GRXCR1: variants seen among roughly 807,000 people sequenced by gnomAD.
GRXCR1 encodes glutaredoxin and cysteine rich domain containing 1.
GRXCR1 carries 27 observed loss-of-function variants against 27.3 expected under a neutral mutation model. The ratio of observed to expected loss-of-function variants is 0.99; its 90% CI spans 0.73 to 1.37. GRXCR1 has a LOEUF of 1.37. Among genes scored for constraint, GRXCR1 ranks in the 40% most tolerant of loss-of-function variants. The pLI is 0.00. For missense variants in GRXCR1, 379 were observed against 354.4 expected, an observed-to-expected ratio of 1.07 and a Z score of -0.56; for synonymous variants, 122 against 131.1, an observed-to-expected ratio of 0.93 and a Z score of 0.47.
chr4:42,899,100 T>G (rs776951979), intron 1 of GRXCR1, among the ~76,000 whole-genome samples: 17 of 152,096 alleles, frequency 1.1e-4, no homozygotes, highest in South Asian at 2.1e-4. Flanking sequence ...ACATACTGAG[T>G]AGGACCTCAA....
intron 1 of GRXCR1, among the ~76,000 whole-genome samples, chr4:42,937,959 T>G (rs927609173): frequency 6.6e-6 from 1 of 151,992 alleles, no homozygotes; most frequent in South Asian, 2.1e-4. Flanking sequence ...TTGTAAAATG[T>G]ACAACAAATT....
At chr4:42,919,336 C>A (rs1257787445) in intron 1 of GRXCR1, among the ~76,000 whole-genome samples, 1 of 152,052 alleles carries the variant, frequency 6.6e-6, no homozygotes, top group African/African-American at 2.4e-5. Context: ...TGTTTTATAC[C>A]TGGCCCATGT....
intron 2 of GRXCR1, among the ~76,000 whole-genome samples, chr4:42,993,409 A>G (rs925514764): frequency 1.3e-5 from 2 of 151,868 alleles, no homozygotes; most frequent in East Asian, 1.9e-4. Flanking sequence ...TTTAAACTAT[A>G]TGTTCTAGTT....
At chr4:42,902,596 G>A (rs537933230) in intron 1 of GRXCR1, among the ~76,000 whole-genome samples, 7 of 152,246 alleles carry the variant, frequency 4.6e-5, no homozygotes, top group South Asian at 2.1e-4. Flanking sequence ...ACATACGTGT[G>A]CATGTATCTT....
intron 1 of GRXCR1, among the ~76,000 whole-genome samples, chr4:42,894,957 T>TAGTTTGTTA (rs1302964714): frequency 6.6e-6 from 1 of 152,294 alleles, no homozygotes; most frequent in African/African-American, 2.4e-5. Flanking sequence ...ATGATTAACT[T>TAGTTTGTTA]AGTTTGTTAT....
At chr4:42,903,136 G>A (rs180823630) in intron 1 of GRXCR1, among the ~76,000 whole-genome samples, 4 of 149,884 alleles carry the variant, frequency 2.7e-5, no homozygotes, top group African/African-American at 9.7e-5. Context: ...AGTGCCTGGT[G>A]CTTTAAACAG....
At chr4:42,953,178 G>A (rs1577918846) in intron 1 of GRXCR1, among the ~76,000 whole-genome samples, 1 of 152,260 alleles carries the variant, frequency 6.6e-6, no homozygotes, top group Non-Finnish European at 1.5e-5. Context: ...AATGGCCACA[G>A]CAAGATCTCT....
chr4:42,972,540 A>C (rs745987161), intron 2 of GRXCR1, among the ~76,000 whole-genome samples: 1 of 152,188 alleles, frequency 6.6e-6, no homozygotes, highest in Non-Finnish European at 1.5e-5. Context: ...TGGATAACTC[A>C]GGATAGTTTT....
At chr4:42,993,802 A>G (rs1312789914) in intron 2 of GRXCR1, among the ~76,000 whole-genome samples, 1 of 152,132 alleles carries the variant, frequency 6.6e-6, no homozygotes, top group African/African-American at 2.4e-5. Flanking sequence ...AAATATCTGT[A>G]TTTACTTTCA....
chr4:43,014,038 C>T (rs1310344844), intron 2 of GRXCR1, among the ~76,000 whole-genome samples: 1 of 136,668 alleles, frequency 7.3e-6, no homozygotes, highest in East Asian at 2.1e-4. Context: ...ACCCAAAGGT[C>T]TGTATTACAT....
intron 2 of GRXCR1, among the ~76,000 whole-genome samples, chr4:42,977,188 A>T (rs1748545731): frequency 6.6e-6 from 1 of 152,108 alleles, no homozygotes; most frequent in South Asian, 2.1e-4. Flanking sequence ...TTGTGTATAT[A>T]TATTTCACAT....
chr4:43,003,212 G>A (rs978888152), intron 2 of GRXCR1, among the ~76,000 whole-genome samples: 2 of 152,092 alleles, frequency 1.3e-5, no homozygotes, highest in Admixed American at 6.6e-5. Flanking sequence ...CTTTATAGAA[G>A]TGTGAGAATG....
intron 1 of GRXCR1, among the ~76,000 whole-genome samples, chr4:42,912,923 A>C (rs140892218): frequency 2.0e-5 from 3 of 152,082 alleles, no homozygotes; most frequent in Non-Finnish European, 4.4e-5. Context: ...AGTGAGTTAT[A>C]ATAAGATCTG....
chr4:42,925,179 G>T (rs1055325506), intron 1 of GRXCR1, among the ~76,000 whole-genome samples: 1 of 151,960 alleles, frequency 6.6e-6, no homozygotes, highest in Non-Finnish European at 1.5e-5. Context: ...TGATTCTTGG[G>T]TGTAAAGGTT....
At chr4:42,914,120 C>G (rs2109746770) in intron 1 of GRXCR1, among the ~76,000 whole-genome samples, 1 of 152,332 alleles carries the variant, frequency 6.6e-6, no homozygotes, top group East Asian at 1.9e-4. Context: ...TGGGAGCCCC[C>G]ACAGAAGTCC....
chr4:42,957,308 C>T (rs1748027650), intron 1 of GRXCR1, among the ~76,000 whole-genome samples: 1 of 152,000 alleles, frequency 6.6e-6, no homozygotes, highest in Admixed American at 6.6e-5. Context: ...TTTTGGCTTT[C>T]TATTACTTTT....
In GRXCR1 at chr4:42,910,187, G is replaced by A. The variant is rs540827590; in HGVS notation, c.384+16537G>A. ...AACTCACTATCACCAGAACGGCATG[G>A]GGGAAACCACCCCCAAGATCCAATC... On this transcript the variant is annotated intron_variant, in intron 1 of 3. Coordinates refer to ENST00000399770, the MANE Select transcript of GRXCR1 (RefSeq NM_001080476.3). Among the ~76,000 whole-genome samples, 8 of 152,148 alleles carry A rather than the reference G, an allele frequency of 5.3e-5. No individual in the cohort carries two copies. The South Asian group carries it at 1.7e-3, about 32-fold the overall frequency.
chr4:42,910,121 G>A lies in GRXCR1; in HGVS notation c.384+16471G>A, dbSNP rs576446879. On this transcript the variant is annotated intron_variant, in intron 1 of 3. Transcript: ENST00000399770. ...GCAGACGAGAGGGAAGAGTGTGAAG[G>A]AGGAAGTTGCCAAACACTTAAAATC... 2.0e-5 allele frequency among the ~76,000 whole-genome samples: 3 copies of A among 152,168 alleles called. No individual in the cohort carries two copies. The East Asian group carries it at 5.8e-4, about 29-fold the overall frequency.
chr4:42,926,548 C>G (rs1192916614), intron 1 of GRXCR1, among the ~76,000 whole-genome samples: 2 of 151,652 alleles, frequency 1.3e-5, no homozygotes, highest in Admixed American at 6.6e-5. Flanking sequence ...ATAATGTGGA[C>G]TTTCCTGTTA....
Sources: allele counts gnomAD v4.1 joint callset (sites outside exome capture counted in the v4.1 genomes callset), GRCh38; gene constraint gnomAD v4.1.1; transcripts MANE v1.5; gene names NCBI Gene and HGNC (gene_info 2026-07-23, HGNC 2026-07-21).